The following XPO6 variants were observed in gnomAD, a reference collection of about 807,000 sequenced individuals.
XPO6 encodes exportin-6.
A neutral mutation model predicts 130.0 loss-of-function variants in XPO6; 3 were observed. The observed-to-expected ratio is 0.02, with a 90% confidence interval of 0.01 to 0.06. The LOEUF (loss-of-function observed/expected upper bound fraction) is 0.06, where lower values mean the gene tolerates loss of function less well. XPO6 is among the 10% of genes least tolerant of loss of function. XPO6 has a pLI of 1.00. For missense variants in XPO6, 970 were observed against 1,393.0 expected, an observed-to-expected ratio of 0.70 and a Z score of 4.83; for synonymous variants, 524 against 548.9, an observed-to-expected ratio of 0.95 and a Z score of 0.63.
At chr16:28,209,786 T>G (rs545566171) in intron 1 of XPO6, among the ~76,000 whole-genome samples, 37 of 152,256 alleles carry the variant, frequency 2.4e-4, no homozygotes, top group Non-Finnish European at 3.5e-4. Flanking sequence ...GTTGAGGAAA[T>G]TGGAACTGAG....
chr16:28,161,725 T>C (rs1412934062), intron 6 of XPO6, among the ~76,000 whole-genome samples: 1 of 152,190 alleles, frequency 6.6e-6, no homozygotes, highest in African/African-American at 2.4e-5. Context: ...TTATTACCCA[T>C]ATTTACAGAC....
chr16:28,132,453 G>A lies in XPO6; in HGVS notation c.1537-50C>T. ...CAAAAATTTTAAGCCATAAATGCAA[G>A]TTTTAATAGCATTTTAACATTACAA... On this transcript the variant is annotated intron_variant, in intron 11 of 23. Coordinates refer to ENST00000304658, the MANE Select transcript of XPO6 (RefSeq NM_015171.4). The surrounding 1 kb of genome is among the most constrained non-coding windows in gnomAD (Gnocchi z 4.0). 2 of 1,252,300 alleles carry A rather than the reference G, an allele frequency of 1.6e-6. No homozygotes were observed. The highest frequency in any genetic ancestry group is 2.3e-6 in the Non-Finnish European group (2 of 875,356). 77.6% of individuals were successfully genotyped at this position (1,252,300 alleles called of 1,614,324 possible). A position where few individuals can be genotyped will look rare whatever the true frequency, so the allele number is the denominator to read the frequency against.
chr16:28,188,620 T>C (rs1329714920), intron 1 of XPO6, among the ~76,000 whole-genome samples: 1 of 128,696 alleles, frequency 7.8e-6, no homozygotes, highest in Non-Finnish European at 1.5e-5. Context: ...TTACCATAGA[T>C]GTCTAAACTC....
intron 11 of XPO6, 143 bp downstream of exon 11, chr16:28,133,698 A>T: frequency 1.4e-6 from 1 of 726,002 alleles, no homozygotes; most frequent in South Asian, 2.0e-5. Flanking sequence ...CAGTTTGAGC[A>T]TCACTTATGG....
chr16:28,165,999 C>T (rs1567633975), intron 6 of XPO6, among the ~76,000 whole-genome samples: 1 of 152,176 alleles, frequency 6.6e-6, no homozygotes, highest in Non-Finnish European at 1.5e-5. Context: ...AAATATGCCC[C>T]GCTTTACCAA....
chr16:28,109,926 A>C (rs900920924), intron 17 of XPO6, among the ~76,000 whole-genome samples: 5 of 152,256 alleles, frequency 3.3e-5, no homozygotes, highest in African/African-American at 9.6e-5. Context: ...CTGGCTTTTA[A>C]GAAAAAGTGT....
At chr16:28,178,832 G>T (rs1017684863) in intron 2 of XPO6, among the ~76,000 whole-genome samples, 1 of 151,916 alleles carries the variant, frequency 6.6e-6, no homozygotes, top group Non-Finnish European at 1.5e-5. Context: ...ACTTTCGGAG[G>T]CCAAGGCGGG....
intron 13 of XPO6, among the ~76,000 whole-genome samples, chr16:28,125,185 C>T (rs2087363649): frequency 6.6e-6 from 1 of 152,318 alleles, no homozygotes; most frequent in South Asian, 2.1e-4. Flanking sequence ...CCAGCTTTCA[C>T]TCCCGAGGCC....
At chr16:28,139,531 G>A (rs1161672018) in intron 9 of XPO6, among the ~76,000 whole-genome samples, 1 of 152,152 alleles carries the variant, frequency 6.6e-6, no homozygotes, top group Non-Finnish European at 1.5e-5. Flanking sequence ...TTCTTCTTAA[G>A]AGCTATAAAA....
chr16:28,169,622 G>A (rs755532846), intron 5 of XPO6, 128 bp downstream of exon 5: 228 of 1,195,736 alleles, frequency 1.9e-4, no homozygotes, highest in Non-Finnish European at 2.4e-4. Flanking sequence ...TGTTGGGAAC[G>A]CAGCTTCCCA....
intron 6 of XPO6, among the ~76,000 whole-genome samples, chr16:28,164,403 G>C (rs1291547251): frequency 2.0e-5 from 3 of 152,074 alleles, no homozygotes; most frequent in African/African-American, 7.2e-5. Context: ...CCAAATAGTG[G>C]GGCAAGATCT....
chr16:28,166,688 T>G, intron 5 of XPO6, 103 bp from the exon 6 acceptor site: 1 of 1,519,522 alleles, frequency 6.6e-7, no homozygotes, highest in Non-Finnish European at 8.8e-7. Flanking sequence ...ACATGAGTAC[T>G]TGAACATCCC....
chr16:28,158,155 T>C (rs1427523270), intron 6 of XPO6, among the ~76,000 whole-genome samples: 1 of 152,148 alleles, frequency 6.6e-6, no homozygotes, highest in African/African-American at 2.4e-5. Flanking sequence ...TTAAAATACA[T>C]GGACACAAAA....
In XPO6 at chr16:28,132,488, G is replaced by A. The variant is rs2042690653; in HGVS notation, c.1537-85C>T. ...CATTTTAACATTACAACATTAACAC[G>A]TAACTATGGTGTGAGGAACAGGATC... On this transcript the variant is annotated intron_variant, in intron 11 of 23. Coordinates refer to ENST00000304658, the MANE Select transcript of XPO6 (RefSeq NM_015171.4). This position sits in a 1 kb window ranked among gnomAD's most constrained non-coding sequence, Gnocchi z 4.0. The A allele has an allele frequency of 1.1e-6, 1 of 880,544 alleles. No homozygotes were observed. Among genetic ancestry groups the A allele is most frequent in the Non-Finnish European group, 1.8e-6 (1 of 562,822 alleles). The allele number at this position is 880,544 out of a possible 1,614,324, so 54.5% of individuals were successfully genotyped here. A position where few individuals can be genotyped will look rare whatever the true frequency, so the allele number is the denominator to read the frequency against.
intron 1 of XPO6, among the ~76,000 whole-genome samples, chr16:28,188,653 C>T (rs1053825233): frequency 7.1e-6 from 1 of 140,778 alleles, no homozygotes; most frequent in Non-Finnish European, 1.5e-5. Context: ...TCTCACTTCC[C>T]TACACCCTTC....
Position 28,106,299 on chromosome 16 carries a change from C to G in XPO6, c.2612+84G>C. ...AACCCATGCTGTGGCAAGTGCAGAACAGGAGCAAAAAGCCACACTTTGTCG... is the reference window on the plus strand; with the variant it reads ...AACCCATGCTGTGGCAAGTGCAGAAGAGGAGCAAAAAGCCACACTTTGTCG... On this transcript the variant is annotated intron_variant, in intron 19 of 23. Coordinates refer to ENST00000304658, the MANE Select transcript of XPO6 (RefSeq NM_015171.4). This position sits in a 1 kb window ranked among gnomAD's most constrained non-coding sequence, Gnocchi z 4.2. The G allele has an allele frequency of 6.2e-7, 1 of 1,607,826 alleles. No individual in the cohort carries two copies. Among genetic ancestry groups the G allele is most frequent in the Non-Finnish European group, 8.5e-7 (1 of 1,175,448 alleles).
intron 1 of XPO6, among the ~76,000 whole-genome samples, chr16:28,187,132 A>C (rs1269951070): frequency 6.6e-6 from 1 of 152,208 alleles, no homozygotes; most frequent in Non-Finnish European, 1.5e-5. Flanking sequence ...AAGGAAGTTT[A>C]CTAGGAGGAT....
In XPO6 at chr16:28,107,622, G is replaced by C. The variant is rs1401598995; in HGVS notation, c.2397C>G (p.Ile799Met). 2.5e-6 allele frequency: 4 copies of C among 1,614,080 alleles called. No individual in the cohort carries two copies. In the Admixed American group the frequency reaches 6.7e-5, roughly 27 times the overall value. ...GTCGAGACTTGGTGGACTCCCCCGA[G>C]ATATTCTCCACAATATCTTCTAAGA... Reference protein sequence around the residue: ...LSVLEDIVENISGESTKSRQI... With the variant: ...LSVLEDIVENMSGESTKSRQI... The change falls in exon 18 of 24, where the codon ATC (isoleucine) becomes ATG (methionine). Residue 799 changes from isoleucine (I) to methionine (M), a missense_variant. By Grantham distance (10) the Ile-to-Met change is conservative. This residue lies in a region of XPO6 where 936 missense variants were observed against 1,306.8 expected (regional missense o/e 0.72). Coordinates refer to ENST00000304658, the MANE Select transcript of XPO6 (RefSeq NM_015171.4).
intron 9 of XPO6, among the ~76,000 whole-genome samples, 188 bp downstream of exon 9, chr16:28,145,906 T>C (rs910997470): frequency 6.6e-6 from 1 of 152,252 alleles, no homozygotes; most frequent in Non-Finnish European, 1.5e-5. Context: ...ATATTACTTT[T>C]AAAATTTTAA....
Sources: gnomAD v4.1 joint callset for allele counts (sites outside exome capture counted in the v4.1 genomes callset) on GRCh38, gnomAD v4.1.1 for gene constraint, gnomAD v4.1.1 regional missense constraint, Gnocchi (gnomAD v3.1) non-coding constraint, MANE v1.5 for transcripts, NCBI Gene and HGNC (gene_info 2026-07-23, HGNC 2026-07-21) for gene names.